PCDHGB6: variants seen among roughly 807,000 people sequenced by gnomAD.
PCDHGB6 encodes protocadherin gamma-B6.
A neutral mutation model predicts 59.1 loss-of-function variants in PCDHGB6; 51 were observed. That is an observed-to-expected ratio of 0.86 (90% CI 0.69 to 1.09). The LOEUF is 1.09. PCDHGB6 is among the 50% of genes least tolerant of loss of function. The pLI, the probability that PCDHGB6 is intolerant of heterozygous loss-of-function variation, is 0.00. For synonymous variants in PCDHGB6, 466 were observed against 495.1 expected, an observed-to-expected ratio of 0.94 and a Z score of 0.78; for missense variants, 1,148 against 1,205.1, an observed-to-expected ratio of 0.95 and a Z score of 0.70.
At chr5:141,453,042 A>G (rs2098754438) in intron 1 of PCDHGB6, among the ~76,000 whole-genome samples, 1 of 152,116 alleles carries the variant, frequency 6.6e-6, no homozygotes, top group Non-Finnish European at 1.5e-5. Context: ...GTTTGTTTCT[A>G]TTATGTGCAG....
intron 1 of PCDHGB6, among the ~76,000 whole-genome samples, chr5:141,467,695 T>C (rs1189395935): frequency 6.6e-6 from 1 of 152,142 alleles, no homozygotes; most frequent in Non-Finnish European, 1.5e-5. Flanking sequence ...AGGGTCTGGC[T>C]CTGTTGCCCA....
chr5:141,429,390 A>T (rs556289214), intron 1 of PCDHGB6, among the ~76,000 whole-genome samples: 3,394 of 150,296 alleles, frequency 0.023, 54 homozygotes, highest in South Asian at 0.043. Context: ...TTTTTTTTAA[A>T]AAAAATTGAG....
rs538474552 is a variant in PCDHGB6, at chr5:141,415,070, C to T, written c.2418+4450C>T. The T allele has an allele frequency of 2.0e-5, 32 of 1,613,398 alleles. No homozygotes were observed. The African/African-American group carries it at 3.9e-4, about 19-fold the overall frequency. On this transcript the variant is annotated intron_variant, in intron 1 of 3. Transcript: ENST00000520790. Reference sequence around the variant, plus strand: ...GGGGAGCACACGGGCGAGGTGCGCACGGCGCGAGCCCTGCTGGACAGAGAC... The same window carrying T: ...GGGGAGCACACGGGCGAGGTGCGCATGGCGCGAGCCCTGCTGGACAGAGAC...
Position 141,431,062 on chromosome 5 carries a change from G to C in PCDHGB6, c.2418+20442G>C, listed in dbSNP as rs2097341170. On this transcript the variant is annotated intron_variant, in intron 1 of 3. Coordinates refer to ENST00000520790, the MANE Select transcript of PCDHGB6 (RefSeq NM_018926.3). This position sits in a 1 kb window ranked among gnomAD's most constrained non-coding sequence, Gnocchi z 4.8. ...AGGAGCTCTGTATGGGGGCCATCAA[G>C]TGTCAATTAAATCTAGACATTCTGA... 6.2e-7 allele frequency: 1 copy of C among 1,614,212 alleles called. No individual in the cohort carries two copies. The highest frequency in any genetic ancestry group is 1.3e-5 in the African/African-American group (1 of 75,084).
At chr5:141,488,183 T>C (rs1249953031) in intron 1 of PCDHGB6, among the ~76,000 whole-genome samples, 1 of 152,148 alleles carries the variant, frequency 6.6e-6, no homozygotes, top group Non-Finnish European at 1.5e-5. Flanking sequence ...CATAGATCTT[T>C]TGGTCTGGGT....
rs1330469043 is a variant in PCDHGB6 at position 141,491,537 on chromosome 5, C to A, written c.2419-3270C>A. On this transcript the variant is annotated intron_variant, in intron 1 of 3. Transcript: ENST00000520790. This position sits in a 1 kb window ranked among gnomAD's most constrained non-coding sequence, Gnocchi z 6.9. ...AAGTACATGGAGGTGACGCTGCGGCCCACAGACTCGCAGAGCCACTGCTAC... is the reference window on the plus strand; with the variant it reads ...AAGTACATGGAGGTGACGCTGCGGCACACAGACTCGCAGAGCCACTGCTAC... The A allele has an allele frequency of 6.2e-7, 1 of 1,613,908 alleles. No homozygotes were observed. Among genetic ancestry groups the A allele is most frequent in the African/African-American group, 1.3e-5 (1 of 74,920 alleles).
intron 1 of PCDHGB6, chr5:141,423,833 T>G: frequency 1.8e-5 from 23 of 1,262,362 alleles, no homozygotes; most frequent in East Asian, 7.3e-5. Flanking sequence ...TTCATGAGAT[T>G]ACGATAATCT....
Position 141,494,808 on chromosome 5 carries a change from A to G in PCDHGB6, c.2420A>G (p.Gln807Arg). The G allele has an allele frequency of 1.9e-6, 3 of 1,614,014 alleles. No individual in the cohort carries two copies. Among genetic ancestry groups the G allele is most frequent in the Non-Finnish European group, 2.5e-6 (3 of 1,179,982 alleles). The change falls in exon 2 of 4, where the codon CAA becomes CGA. Residue 807 changes from glutamine to arginine, a missense_variant and splice_region_variant. Gln to Arg is a conservative substitution (Grantham distance 43, BLOSUM62 1). Around this residue, in one of 5 missense-constraint regions of PCDHGB6, gnomAD observed 283 missense variants for 318.6 expected, o/e 0.89. Coordinates refer to ENST00000520790, the MANE Select transcript of PCDHGB6 (RefSeq NM_018926.3). ...CCTTTCCCTCTGTTTTCTCCACAGC[A>G]AGCCCCGCCCAACACGGACTGGCGT... ...LTSHPETLTS[Q>R]APPNTDWRFS...
intron 3 of PCDHGB6, among the ~76,000 whole-genome samples, chr5:141,506,381 G>A (rs750584158): frequency 2.0e-5 from 3 of 151,216 alleles, no homozygotes; most frequent in Non-Finnish European, 4.4e-5. Context: ...CCTGGGAGGT[G>A]GCTGTGGTGA....
intron 1 of PCDHGB6, chr5:141,418,650 T>A (rs764145825): frequency 5.0e-6 from 8 of 1,613,898 alleles, no homozygotes; most frequent in South Asian, 2.2e-5. Flanking sequence ...ATCCTGAGAG[T>A]GAAGGCCACT....
rs183549806 is a variant in PCDHGB6 at position 141,487,760 on chromosome 5, G to A, written c.2419-7047G>A. ...TGTAAGAGGTAACTATGTGGTAGAC[G>A]CTGTGCTTTGTAACTGTTTCGTGAA... On this transcript the variant is annotated intron_variant, in intron 1 of 3. Transcript: ENST00000520790. The surrounding 1 kb of genome is among the most constrained non-coding windows in gnomAD (Gnocchi z 5.0). 42 of 1,545,950 alleles carry A rather than the reference G, an allele frequency of 2.7e-5. No homozygotes were observed. The African/African-American group carries it at 3.8e-4, about 14-fold the overall frequency.
chr5:141,461,988 T>A (rs771762127), intron 1 of PCDHGB6, among the ~76,000 whole-genome samples: 1 of 152,170 alleles, frequency 6.6e-6, no homozygotes, highest in Non-Finnish European at 1.5e-5. Flanking sequence ...CACGCCAGGC[T>A]AATTTTGTAT....
intron 1 of PCDHGB6, chr5:141,433,132 T>A (rs1168186406): frequency 6.2e-7 from 1 of 1,614,122 alleles, no homozygotes; most frequent in Non-Finnish European, 8.5e-7. Context: ...GCGAGCCCCT[T>A]TTGCTGTCAG....
At chr5:141,427,397 T>C (rs944166415) in intron 1 of PCDHGB6, 2 of 460,626 alleles carry the variant, frequency 4.3e-6, no homozygotes, top group South Asian at 1.5e-5. Flanking sequence ...AAACACATGA[T>C]AAAGATTCGA....
rs1399250599 is a variant in PCDHGB6, at chr5:141,476,902, C to A, written c.2419-17905C>A. On this transcript the variant is annotated intron_variant, in intron 1 of 3. Coordinates refer to ENST00000520790, the MANE Select transcript of PCDHGB6 (RefSeq NM_018926.3). The surrounding 1 kb of genome is among the most constrained non-coding windows in gnomAD (Gnocchi z 7.6). ...TGGAGGATGCACCCTCCGGCACGCG[C>A]GTGGTACAAGTCCTTGCAACGGATC... 5 of 1,613,880 alleles carry A rather than the reference C, an allele frequency of 3.1e-6. No individual in the cohort carries two copies. Among genetic ancestry groups the A allele is most frequent in the South Asian group, 1.1e-5 (1 of 91,090 alleles).
At chr5:141,419,094 G>C in intron 1 of PCDHGB6, 2 of 1,613,894 alleles carry the variant, frequency 1.2e-6, no homozygotes, top group Non-Finnish European at 1.7e-6. Context: ...GCCCTGGATC[G>C]GGAGCAGACC....
intron 3 of PCDHGB6, among the ~76,000 whole-genome samples, chr5:141,510,531 T>C (rs1459536719): frequency 6.6e-6 from 1 of 152,078 alleles, no homozygotes; most frequent in Non-Finnish European, 1.5e-5. Context: ...CTGAGAGAAA[T>C]ACCAGCGAAT....
At chr5:141,418,899 T>C (rs1320380997) in intron 1 of PCDHGB6, 1 of 1,613,944 alleles carries the variant, frequency 6.2e-7, no homozygotes. Flanking sequence ...AGCCCAGAAA[T>C]AATCATCACG....
intron 2 of PCDHGB6, among the ~76,000 whole-genome samples, chr5:141,502,165 T>C (rs1017904375): frequency 1.8e-4 from 28 of 152,196 alleles, no homozygotes; most frequent in African/African-American, 6.3e-4. Context: ...AGATATTCAG[T>C]TGAGGAATTT....
Sources: allele counts gnomAD v4.1 joint callset (sites outside exome capture counted in the v4.1 genomes callset), GRCh38; gene constraint gnomAD v4.1.1; regional missense constraint gnomAD v4.1.1; non-coding constraint Gnocchi (gnomAD v3.1); transcripts MANE v1.5; gene names NCBI Gene and HGNC (gene_info 2026-07-23, HGNC 2026-07-21).